The following NSUN3 variants were observed in gnomAD, a reference collection of about 807,000 sequenced individuals.
NSUN3 encodes NOP2/Sun RNA methyltransferase 3, also known as tRNA (cytosine(34)-C(5))-methyltransferase, mitochondrial.
NSUN3 carries 24 observed loss-of-function variants against 36.8 expected under a neutral mutation model. That is an observed-to-expected ratio of 0.65 (90% confidence interval 0.47 to 0.92). The LOEUF is 0.92. NSUN3 is among the 40% of genes least tolerant of loss of function. The pLI is 0.00. For missense variants in NSUN3, 381 were observed against 392.8 expected (o/e 0.97, Z 0.25); for synonymous variants, 146 against 145.2 (o/e 1.01, Z -0.04).
intron 5 of NSUN3, among the ~76,000 whole-genome samples, chr3:94,107,749 C>G (rs140284987): frequency 1.5e-4 from 23 of 152,228 alleles, no homozygotes; most frequent in African/African-American, 5.5e-4. Flanking sequence ...GACACCATAT[C>G]TCAATTTTAA....
At chr3:94,079,789 G>A (rs951777091) in intron 2 of NSUN3, among the ~76,000 whole-genome samples, 1 of 151,904 alleles carries the variant, frequency 6.6e-6, no homozygotes, top group Non-Finnish European at 1.5e-5. Flanking sequence ...GGTCATTTAT[G>A]TTCTTCTCTA....
chr3:94,068,793 C>T (rs1194231656), intron 2 of NSUN3, among the ~76,000 whole-genome samples: 2 of 151,182 alleles, frequency 1.3e-5, no homozygotes, highest in Non-Finnish European at 2.9e-5. Flanking sequence ...AATACACACA[C>T]ACACACACAC....
At chr3:94,065,217 A>G (rs2077199623) in intron 2 of NSUN3, among the ~76,000 whole-genome samples, 1 of 152,198 alleles carries the variant, frequency 6.6e-6, no homozygotes, top group Admixed American at 6.5e-5. Flanking sequence ...CATGCCGTCT[A>G]GTTAGTGTTA....
intron 1 of NSUN3, 120 bp downstream of exon 1, chr3:94,063,258 A>T (rs2077188925): frequency 2.0e-6 from 2 of 1,009,608 alleles, no homozygotes; most frequent in South Asian, 2.5e-5. Flanking sequence ...CCCTCGCGAG[A>T]TCAGCGTTTC....
At chr3:94,069,520 A>G (rs1218868503) in intron 2 of NSUN3, among the ~76,000 whole-genome samples, 4 of 152,216 alleles carry the variant, frequency 2.6e-5, no homozygotes, top group African/African-American at 9.6e-5. Context: ...AATTGTGTTT[A>G]ACAATTTCTA....
chr3:94,072,041 G>A (rs1229245106), intron 2 of NSUN3, among the ~76,000 whole-genome samples: 1 of 152,106 alleles, frequency 6.6e-6, no homozygotes, highest in Non-Finnish European at 1.5e-5. Flanking sequence ...GCTTTCTCAG[G>A]GCTAGGAAGC....
At position 94,130,966 on chromosome 3, in the gene NSUN3, G is replaced by A. The variant is rs1490035630; in HGVS notation, c.*4476G>A. Among the ~76,000 whole-genome samples the A allele has an allele frequency of 6.6e-6, 1 of 151,982 alleles. No homozygotes were observed. Among genetic ancestry groups the A allele is most frequent in the Non-Finnish European group, 1.5e-5 (1 of 68,006 alleles). ...CCACTGTCCCCAACCCAGCTAGAGT[G>A]CAGTGGTGTCATCATGGCTCACTGC... is the stretch of plus-strand genomic sequence containing the variant. On this transcript the variant is annotated 3_prime_UTR_variant, in exon 6 of 6. Coordinates refer to ENST00000314622, the MANE Select transcript of NSUN3 (RefSeq NM_022072.5).
intron 2 of NSUN3, among the ~76,000 whole-genome samples, chr3:94,072,966 C>A (rs2077230327): frequency 6.6e-6 from 1 of 152,108 alleles, no homozygotes. Flanking sequence ...CCCTCACCAC[C>A]CGACAGGCCC....
In NSUN3 at chr3:94,076,759, A is replaced by G. The variant is rs1186225558; in HGVS notation, c.123-7348A>G. On this transcript the variant is annotated intron_variant, in intron 2 of 5. Coordinates refer to ENST00000314622, the MANE Select transcript of NSUN3 (RefSeq NM_022072.5). The stretch of plus-strand genomic sequence containing the variant: ...TGGAAGGAGTCTTTGTTGTGATAAT[A>G]CAAGGATTCTGGGGCATATAACGGG... 1.8e-5 allele frequency: 27 copies of G among 1,489,286 alleles called. No homozygotes were observed. The East Asian group carries it at 2.3e-4, about 12-fold the overall frequency. 92.3% of individuals were successfully genotyped at this position (1,489,286 alleles called of 1,614,324 possible).
At chr3:94,121,511 A>AG (rs1310600804) in intron 5 of NSUN3, among the ~76,000 whole-genome samples, 1 of 152,132 alleles carries the variant, frequency 6.6e-6, no homozygotes, top group Admixed American at 6.5e-5. Context: ...GACATCTTTG[A>AG]GGGGTTTTCA....
intron 2 of NSUN3, among the ~76,000 whole-genome samples, chr3:94,066,370 A>G (rs2077204247): frequency 6.6e-6 from 1 of 152,248 alleles, no homozygotes; most frequent in South Asian, 2.1e-4. Flanking sequence ...GTATGGGGAA[A>G]TAAGAACAGA....
chr3:94,121,527 C>T (rs1404367067), intron 5 of NSUN3, among the ~76,000 whole-genome samples: 2 of 152,146 alleles, frequency 1.3e-5, no homozygotes, highest in East Asian at 3.9e-4. Flanking sequence ...TTTCATTCTT[C>T]CTACCGCAGG....
intron 5 of NSUN3, among the ~76,000 whole-genome samples, chr3:94,112,341 G>T (rs1482854200): frequency 2.6e-5 from 4 of 152,264 alleles, no homozygotes; most frequent in Middle Eastern, 3.4e-3. Context: ...CTTGCCCTCT[G>T]TTACTTGTTT....
intron 5 of NSUN3, among the ~76,000 whole-genome samples, chr3:94,113,081 G>T (rs1560040617): frequency 6.6e-6 from 1 of 152,040 alleles, no homozygotes; most frequent in Non-Finnish European, 1.5e-5. Flanking sequence ...AGCCAGGATG[G>T]TCTCAATCTC....
intron 2 of NSUN3, among the ~76,000 whole-genome samples, chr3:94,072,762 A>G (rs1420338513): frequency 1.3e-5 from 2 of 151,822 alleles, no homozygotes; most frequent in African/African-American, 2.4e-5. Context: ...AGATAGAGTA[A>G]TTTCTGAAGA....
chr3:94,117,164 A>G (rs532279400), intron 5 of NSUN3, among the ~76,000 whole-genome samples: 13 of 151,804 alleles, frequency 8.6e-5, no homozygotes, highest in African/African-American at 2.9e-4. Context: ...ACACTCGGCT[A>G]ATTTCTCATA....
intron 2 of NSUN3, among the ~76,000 whole-genome samples, chr3:94,075,454 A>G (rs1373012486): frequency 6.6e-6 from 1 of 152,160 alleles, no homozygotes; most frequent in Non-Finnish European, 1.5e-5. Flanking sequence ...ATTTTCAGGT[A>G]GGAATCTATA....
chr3:94,100,221 A>G (rs2077359309), intron 5 of NSUN3, among the ~76,000 whole-genome samples: 1 of 152,230 alleles, frequency 6.6e-6, no homozygotes, highest in Non-Finnish European at 1.5e-5. Flanking sequence ...TCCAAAGGCT[A>G]GACTTGTATG....
intron 5 of NSUN3, among the ~76,000 whole-genome samples, chr3:94,100,089 T>C (rs1046781177): frequency 6.6e-6 from 1 of 152,208 alleles, no homozygotes; most frequent in East Asian, 1.9e-4. Context: ...GCAATTGGAA[T>C]GCAGATAAAC....
Sources: allele counts gnomAD v4.1 joint callset (sites outside exome capture counted in the v4.1 genomes callset), GRCh38; gene constraint gnomAD v4.1.1; transcripts MANE v1.5; gene names NCBI Gene and HGNC (gene_info 2026-07-23, HGNC 2026-07-21).